Variants in ZFPM2 observed in about 807,000 individuals in gnomAD.
The protein encoded by ZFPM2 is zinc finger protein ZFPM2.
A neutral mutation model predicts 98.6 loss-of-function variants in ZFPM2; 20 were observed. The ratio of observed to expected loss-of-function variants is 0.20; its 90% CI spans 0.14 to 0.29. ZFPM2 has a LOEUF of 0.29. ZFPM2 is among the 10% of genes least tolerant of loss of function. ZFPM2 has a pLI of 1.00. For synonymous variants in ZFPM2, 518 were observed against 502.7 expected, an observed-to-expected ratio of 1.03 and a Z score of -0.41; for missense variants, 1,310 against 1,388.6, an observed-to-expected ratio of 0.94 and a Z score of 0.90.
At chr8:105,496,019 G>A (rs1007275305) in intron 3 of ZFPM2, among the ~76,000 whole-genome samples, 1 of 152,036 alleles carries the variant, frequency 6.6e-6, no homozygotes, top group African/African-American at 2.4e-5. Flanking sequence ...AAAAAAGCCG[G>A]GAATTAACAT....
chr8:105,357,242 A>G (rs1812766522), intron 1 of ZFPM2, among the ~76,000 whole-genome samples: 1 of 152,080 alleles, frequency 6.6e-6, no homozygotes, highest in Non-Finnish European at 1.5e-5. Flanking sequence ...ATCCTTCAAG[A>G]GGCTTTTCAG....
chr8:105,662,243 G>C (rs1233388684), intron 5 of ZFPM2: 2 of 152,118 alleles, frequency 1.3e-5, no homozygotes, highest in African/African-American at 4.8e-5. Flanking sequence ...AGGGGGATTA[G>C]CACGGACATA....
chr8:105,742,798 C>T (rs1812250896), intron 5 of ZFPM2, among the ~76,000 whole-genome samples: 1 of 151,966 alleles, frequency 6.6e-6, no homozygotes, highest in Non-Finnish European at 1.5e-5. Flanking sequence ...GAGGCTGAGG[C>T]AGGAGAATTG....
intron 4 of ZFPM2, among the ~76,000 whole-genome samples, chr8:105,588,733 G>A (rs1815779619): frequency 6.6e-6 from 1 of 152,102 alleles, no homozygotes; most frequent in Non-Finnish European, 1.5e-5. Flanking sequence ...TTGTTTTGTT[G>A]ACATGTGAAT....
At chr8:105,794,581 A>G (rs201019725) in intron 6 of ZFPM2, among the ~76,000 whole-genome samples, 1 of 152,320 alleles carries the variant, frequency 6.6e-6, no homozygotes, top group East Asian at 1.9e-4. Flanking sequence ...CTCCAGCTGC[A>G]TGCTGGGAGA....
At chr8:105,342,767 T>C (rs1388803467) in intron 1 of ZFPM2, among the ~76,000 whole-genome samples, 2 of 152,070 alleles carry the variant, frequency 1.3e-5, no homozygotes, top group African/African-American at 4.8e-5. Context: ...TGATTCTGTT[T>C]GAAAGAAAAA....
At chr8:105,600,318 G>A (rs186399137) in intron 4 of ZFPM2, among the ~76,000 whole-genome samples, 1 of 152,064 alleles carries the variant, frequency 6.6e-6, no homozygotes. Context: ...AATATACTCT[G>A]AAATGTTTGT....
At chr8:105,390,418 G>T (rs1184859584) in intron 1 of ZFPM2, among the ~76,000 whole-genome samples, 1 of 152,164 alleles carries the variant, frequency 6.6e-6, no homozygotes, top group Non-Finnish European at 1.5e-5. Context: ...GCATGGTTTC[G>T]AAGTAGAGCT....
chr8:105,433,709 C>T (rs556368416), intron 2 of ZFPM2, among the ~76,000 whole-genome samples: 2 of 152,224 alleles, frequency 1.3e-5, no homozygotes, highest in East Asian at 3.9e-4. Context: ...ATGGCATGAA[C>T]CCGGGAGGTG....
chr8:105,510,411 T>G (rs1242596190), intron 3 of ZFPM2, among the ~76,000 whole-genome samples: 7 of 142,328 alleles, frequency 4.9e-5, no homozygotes, highest in Non-Finnish European at 9.3e-5. Context: ...TTTTTTTTTT[T>G]TGTTTGTTTG....
intron 3 of ZFPM2, among the ~76,000 whole-genome samples, chr8:105,561,075 G>A (rs928029342): frequency 3.9e-5 from 6 of 152,132 alleles, no homozygotes; most frequent in Non-Finnish European, 7.4e-5. Context: ...TTTTAAGGGA[G>A]TGTTACTGTT....
At chr8:105,422,411 C>A (rs535351553) in intron 2 of ZFPM2, among the ~76,000 whole-genome samples, 2 of 151,812 alleles carry the variant, frequency 1.3e-5, no homozygotes, top group Non-Finnish European at 2.9e-5. Flanking sequence ...ACTGCATGCC[C>A]GCCTGGGCAA....
rs1815131688 is a variant in ZFPM2 at position 105,561,374 on chromosome 8, G to A, written c.313G>A (p.Val105Met). The A allele has an allele frequency of 6.2e-7, 1 of 1,613,382 alleles. No individual in the cohort carries two copies. The highest frequency in any genetic ancestry group is 1.3e-5 in the African/African-American group (1 of 75,004). ...DDWDGPGELE[V>M]FQKDGERKIQ... ...TCCTTTGTCTGCAGGAGAGCTGGAG[G>A]TGTTTCAGAAAGATGGGGAACGAAA... Residue 105 changes from valine (V) to methionine (M), a missense_variant, in exon 4 of 8, where the codon GTG becomes ATG. Val to Met is a conservative substitution (Grantham distance 21, BLOSUM62 1). Transcript: ENST00000407775.
chr8:105,632,571 C>A (rs544146619), intron 4 of ZFPM2, among the ~76,000 whole-genome samples: 1 of 152,152 alleles, frequency 6.6e-6, no homozygotes, highest in Non-Finnish European at 1.5e-5. Context: ...GGATCACTAT[C>A]ATTTCATATA....
chr8:105,685,351 A>C (rs1290387767), intron 5 of ZFPM2, among the ~76,000 whole-genome samples: 2 of 152,148 alleles, frequency 1.3e-5, no homozygotes, highest in Non-Finnish European at 2.9e-5. Flanking sequence ...AAAATGTATC[A>C]GATGATAAAT....
chr8:105,413,209 G>A (rs1811611614), intron 1 of ZFPM2, among the ~76,000 whole-genome samples: 1 of 151,672 alleles, frequency 6.6e-6, no homozygotes, highest in African/African-American at 2.4e-5. Flanking sequence ...CAAGAATACA[G>A]ATTGTTAGGC....
chr8:105,617,205 CT>C (rs1384200832), intron 4 of ZFPM2, among the ~76,000 whole-genome samples: 2 of 151,986 alleles, frequency 1.3e-5, no homozygotes, highest in Non-Finnish European at 2.9e-5. Flanking sequence ...ATAAACAATA[CT>C]TAAATTATAT....
intron 4 of ZFPM2, among the ~76,000 whole-genome samples, chr8:105,593,221 C>G (rs925713745): frequency 3.3e-5 from 5 of 151,978 alleles, no homozygotes; most frequent in Admixed American, 3.3e-4. Context: ...TTATGAGGTT[C>G]AGGGAGCCCA....
At chr8:105,571,580 C>T (rs1815355105) in intron 4 of ZFPM2, among the ~76,000 whole-genome samples, 1 of 152,134 alleles carries the variant, frequency 6.6e-6, no homozygotes, top group East Asian at 1.9e-4. Context: ...TCATTCTATA[C>T]TGATTTCAAA....
Sources: gnomAD v4.1 joint callset for allele counts (sites outside exome capture counted in the v4.1 genomes callset) on GRCh38, gnomAD v4.1.1 for gene constraint, MANE v1.5 for transcripts, NCBI Gene and HGNC (gene_info 2026-07-23, HGNC 2026-07-21) for gene names.